The following AOPEP variants were observed in gnomAD, a reference collection of about 807,000 sequenced individuals.
The protein encoded by AOPEP is aminopeptidase O (putative), also known as aminopeptidase O.
AOPEP carries 77 observed loss-of-function variants against 98.1 expected under a neutral mutation model. The observed-to-expected ratio is 0.78, with a 90% CI of 0.65 to 0.95. The LOEUF (loss-of-function observed/expected upper bound fraction) is 0.95, where lower values mean the gene tolerates loss of function less well. Ranked by LOEUF, AOPEP falls within the 40% of genes least tolerant of loss-of-function variation. AOPEP has a pLI of 0.00. For missense variants in AOPEP, 1,024 were observed against 1,024.7 expected, an observed-to-expected ratio of 1.00 and a Z score of 0.01; for synonymous variants, 346 against 365.3, an observed-to-expected ratio of 0.95 and a Z score of 0.60.
chr9:95,145,522 G>A, the AOPEP span: 1 of 152,094 alleles, frequency 6.6e-6, no homozygotes, highest in Non-Finnish European at 1.5e-5. Context: ...CCTGCAACTA[G>A]AAAAATTGGT....
intron 5 of AOPEP, among the ~76,000 whole-genome samples, chr9:94,892,399 A>C (rs2048978052): frequency 6.6e-6 from 1 of 152,096 alleles, no homozygotes; most frequent in African/African-American, 2.4e-5. Context: ...CTGCTGTCAG[A>C]TTCATTGATT....
chr9:94,761,382 A>G (rs968832952), intron 2 of AOPEP, among the ~76,000 whole-genome samples: 6 of 152,118 alleles, frequency 3.9e-5, no homozygotes, highest in Non-Finnish European at 7.4e-5. Context: ...GAGAATTTTA[A>G]AATCAAACTT....
intron 5 of AOPEP, among the ~76,000 whole-genome samples, chr9:94,809,311 A>G (rs1341686417): frequency 6.6e-6 from 1 of 152,230 alleles, no homozygotes; most frequent in Non-Finnish European, 1.5e-5. Flanking sequence ...CTGATTTAAT[A>G]TCCTGGTATA....
In AOPEP at chr9:94,799,861, C is replaced by CA. The variant is rs34659070; in HGVS notation, c.1119-882dup. Among the ~76,000 whole-genome samples, 937 of 119,934 alleles carry CA rather than the reference C, an allele frequency of 7.8e-3. 7 individuals carry two copies. Among genetic ancestry groups the CA allele is most frequent in the South Asian group, 0.042 (162 of 3,874 alleles). 78.7% of individuals were successfully genotyped at this position (119,934 alleles called of 152,430 possible). A position where few individuals can be genotyped will look rare whatever the true frequency, so the allele number is the denominator to read the frequency against. ...TGGAAGACAGAGCTAGATTCCATCT[C>CA]AAAAAAAAAAAAAATAATGAAATAA... On this transcript the variant is annotated intron_variant, in intron 4 of 16. Transcript: ENST00000375315.
intron 9 of AOPEP, among the ~76,000 whole-genome samples, chr9:94,961,306 T>C (rs760977239): frequency 1.1e-4 from 16 of 152,304 alleles, no homozygotes; most frequent in Middle Eastern, 3.4e-3. Flanking sequence ...GGAAAAATAG[T>C]GTGCATTTTT....
At chr9:95,094,402 T>A in the AOPEP span, among the ~76,000 whole-genome samples, 1 of 152,166 alleles carries the variant, frequency 6.6e-6, no homozygotes, top group Non-Finnish European at 1.5e-5. Context: ...GGTGTCTTCA[T>A]TGTTGTGCAG....
At chr9:94,830,699 A>G (rs1400163525) in intron 5 of AOPEP, among the ~76,000 whole-genome samples, 1 of 152,136 alleles carries the variant, frequency 6.6e-6, no homozygotes. Flanking sequence ...TTTCTTTGCA[A>G]CCTTGCCAGC....
intron 13 of AOPEP, among the ~76,000 whole-genome samples, chr9:95,052,296 A>G (rs779276035): frequency 3.9e-5 from 6 of 152,338 alleles, no homozygotes; most frequent in Non-Finnish European, 8.8e-5. Flanking sequence ...AGTATTTAAG[A>G]CACAGCCTTA....
the AOPEP span, chr9:95,135,381 T>C: frequency 6.2e-7 from 1 of 1,614,148 alleles, no homozygotes; most frequent in East Asian, 2.2e-5. Context: ...TCGATCCTTC[T>C]CAGACAATTT....
chr9:94,735,541 G>A (rs952998115), intron 1 of AOPEP, among the ~76,000 whole-genome samples: 2 of 152,064 alleles, frequency 1.3e-5, no homozygotes, highest in African/African-American at 4.8e-5. Context: ...TTTTTAACAG[G>A]CACCACTCAC....
intron 5 of AOPEP, among the ~76,000 whole-genome samples, chr9:94,885,590 A>G (rs1588701333): frequency 6.6e-6 from 1 of 152,124 alleles, no homozygotes; most frequent in South Asian, 2.1e-4. Flanking sequence ...AGCTAACTGC[A>G]GGGGAAGCTG....
chr9:94,948,042 A>G (rs2057810031), intron 7 of AOPEP, among the ~76,000 whole-genome samples: 1 of 152,206 alleles, frequency 6.6e-6, no homozygotes, highest in African/African-American at 2.4e-5. Flanking sequence ...TCATAGGCAA[A>G]CAGTTAATTT....
chr9:94,728,239 GCACACACACA>G (rs78505500), intron 1 of AOPEP, among the ~76,000 whole-genome samples: 1 of 146,512 alleles, frequency 6.8e-6, no homozygotes, highest in African/African-American at 2.5e-5. Flanking sequence ...GTGCGCGCAT[GCACACACACA>G]CACACACACA....
chr9:94,946,600 C>A (rs1346446061), intron 7 of AOPEP, among the ~76,000 whole-genome samples: 1 of 152,244 alleles, frequency 6.6e-6, no homozygotes, highest in Non-Finnish European at 1.5e-5. Context: ...AACATCTGCG[C>A]AGTCCTCTTA....
rs778493729 is a variant in AOPEP at position 94,955,258 on chromosome 9, CA to C, written c.1744del (p.Met582CysfsTer6). On this transcript the variant is annotated frameshift_variant, in exon 8 of 17. Transcript: ENST00000375315. LOFTEE classifies it high-confidence loss of function. Reference protein sequence around the residue: ...KHGLNPEKIFMQVHYLKGYFL... With the variant: ...KHGLNPEKIFXQVHYLKGYFL... The stretch of plus-strand genomic sequence containing the variant: ...ATGGACTTAATCCGGAGAAGATCTT[CA>C]TGCAGGTGCATTATTTAAAGGTAAG... The C allele has an allele frequency of 2.7e-5, 44 of 1,612,082 alleles. No individual in the cohort carries two copies. The highest frequency in any genetic ancestry group is 3.6e-5 in the Non-Finnish European group (43 of 1,178,830).
chr9:94,969,574 A>C (rs1184195172), intron 10 of AOPEP, among the ~76,000 whole-genome samples: 1 of 151,874 alleles, frequency 6.6e-6, no homozygotes, highest in Non-Finnish European at 1.5e-5. Flanking sequence ...CGCCCGGCTA[A>C]TTTTTTGTAT....
chr9:94,755,542 C>T (rs1175285074), intron 1 of AOPEP, among the ~76,000 whole-genome samples: 1 of 152,206 alleles, frequency 6.6e-6, no homozygotes, highest in Non-Finnish European at 1.5e-5. Flanking sequence ...TGACAGTGCT[C>T]TTCAGAATCT....
chr9:94,838,909 C>CTTTTTTT lies in AOPEP; in HGVS notation c.1364+37922_1364+37928dup, dbSNP rs35849023. Among the ~76,000 whole-genome samples the CTTTTTTT allele has an allele frequency of 3.4e-3, 340 of 99,724 alleles. 1 individual carries two copies. The Middle Eastern group carries it at 0.036, about 10-fold the overall frequency. 65.4% of individuals were successfully genotyped at this position (99,724 alleles called of 152,430 possible). ...ATAATTAATCACTATAAATGCTATT[C>CTTTTTTT]TTTTTTTTTTTTTTTTTTTTTGAGA... On this transcript the variant is annotated intron_variant, in intron 5 of 16. Transcript: ENST00000375315.
At chr9:94,961,005 A>C (rs1339119732) in intron 9 of AOPEP, among the ~76,000 whole-genome samples, 4 of 129,162 alleles carry the variant, frequency 3.1e-5, no homozygotes, top group African/African-American at 6.5e-5. Flanking sequence ...CAGAGCGAGA[A>C]TCTGTCTCAA....
Sources: gnomAD v4.1 joint callset for allele counts (sites outside exome capture counted in the v4.1 genomes callset) on GRCh38, gnomAD v4.1.1 for gene constraint, MANE v1.5 for transcripts, NCBI Gene and HGNC (gene_info 2026-07-23, HGNC 2026-07-21) for gene names.